IL16: variants seen among roughly 807,000 people sequenced by gnomAD.
IL16 encodes the protein interleukin 16, also known as pro-interleukin-16.
A neutral mutation model predicts 110.1 loss-of-function variants in IL16; 67 were observed. The observed-to-expected ratio is 0.61, with a 90% CI of 0.50 to 0.75. The LOEUF (loss-of-function observed/expected upper bound fraction) is 0.75. IL16 is among the 30% of genes least tolerant of loss of function. The pLI is 0.00. For missense variants in IL16, 1,545 were observed against 1,655.0 expected (o/e 0.93, Z 1.15); for synonymous variants, 689 against 662.9 (o/e 1.04, Z -0.61).
chr15:81,268,299 C>T (rs1029902654), intron 4 of IL16, among the ~76,000 whole-genome samples: 4 of 125,972 alleles, frequency 3.2e-5, no homozygotes, highest in South Asian at 2.2e-4. Context: ...ATTCCATGTT[C>T]GCTGCCTTCC....
chr15:81,306,342 C>T (rs557260347), intron 17 of IL16, 78 bp from the exon 18 acceptor site: 65 of 1,580,018 alleles, frequency 4.1e-5, no homozygotes, highest in African/African-American at 3.0e-4. Context: ...TGTATCACCC[C>T]GGGCTCACTT....
chr15:81,283,539 A>T (rs1899292257), intron 9 of IL16, among the ~76,000 whole-genome samples: 1 of 152,226 alleles, frequency 6.6e-6, no homozygotes, highest in Non-Finnish European at 1.5e-5. Context: ...CAAAATCCCC[A>T]TGAATGTGTA....
intron 2 of IL16, among the ~76,000 whole-genome samples, chr15:81,227,815 G>T (rs1423850521): frequency 6.6e-6 from 1 of 152,150 alleles, no homozygotes; most frequent in Non-Finnish European, 1.5e-5. Flanking sequence ...TGGTGGTAGA[G>T]GCACTGAGAA....
chr15:81,236,950 C>G (rs1223097586), intron 2 of IL16, among the ~76,000 whole-genome samples: 1 of 152,206 alleles, frequency 6.6e-6, no homozygotes, highest in Non-Finnish European at 1.5e-5. Flanking sequence ...CAGAGGGAGA[C>G]TCCATCTCAA....
rs767894208 is a variant in IL16, at chr15:81,300,012, G to A, written c.2686G>A (p.Val896Met). ...LLGRGAAPTL[V>M]PQQPEQVLSS... ...GGGGCGAGGGGCTGCACCCACTCTT[G>A]TGCCCCAGCAGCCTGAGCAAGTACT... Residue 896 changes from valine (V) to methionine (M), a missense_variant, in exon 14 of 19, where the codon GTG becomes ATG. Val to Met is a conservative substitution (Grantham distance 21). Around this residue, in one of 3 missense-constraint regions of IL16, gnomAD observed 1,185 missense variants for 1,238.8 expected, o/e 0.96. Transcript: ENST00000683961. The A allele has an allele frequency of 3.2e-6, 5 of 1,581,668 alleles. No homozygotes were observed. In the Admixed American group the frequency reaches 5.3e-5, roughly 17 times the overall value.
chr15:81,215,486 TG>T (rs1165956782), intron 1 of IL16, among the ~76,000 whole-genome samples: 2 of 152,186 alleles, frequency 1.3e-5, no homozygotes, highest in Non-Finnish European at 2.9e-5. Flanking sequence ...ACTACTCTTT[TG>T]TATCTCCTCA....
intron 2 of IL16, among the ~76,000 whole-genome samples, chr15:81,241,472 T>C (rs932508914): frequency 4.6e-5 from 7 of 152,154 alleles, no homozygotes; most frequent in African/African-American, 1.4e-4. Context: ...GCAATTTTTA[T>C]AATTTTCTTC....
At position 81,267,151 on chromosome 15, in the gene IL16, G is replaced by C. The variant is rs137940147; in HGVS notation, c.564+1350G>C. 2.9e-3 allele frequency among the ~76,000 whole-genome samples: 441 copies of C among 152,290 alleles called. 5 individuals carry two copies. The highest frequency in any genetic ancestry group is 4.8e-3 in the Non-Finnish European group (326 of 68,012). On this transcript the variant is annotated intron_variant, in intron 4 of 18. Transcript: ENST00000683961. Reference sequence around the variant, plus strand: ...GGCTAGCGGGTACTTCCTGGGGGAAGCTGCTTCCTGTCTTTGCTGCCTCAT... The same window carrying C: ...GGCTAGCGGGTACTTCCTGGGGGAACCTGCTTCCTGTCTTTGCTGCCTCAT...
At chr15:81,191,376 C>T (rs1467677983) in intron 1 of IL16, among the ~76,000 whole-genome samples, 1 of 152,192 alleles carries the variant, frequency 6.6e-6, no homozygotes, top group Admixed American at 6.5e-5. Context: ...TCTGGAAGAG[C>T]TCTTTGTAAA....
intron 1 of IL16, among the ~76,000 whole-genome samples, chr15:81,224,141 C>T (rs144403973): frequency 7.2e-4 from 109 of 152,228 alleles, no homozygotes; most frequent in Middle Eastern, 3.4e-3. Context: ...GTGTGCAATT[C>T]GAGTGCTGAA....
Position 81,306,102 on chromosome 15 carries a change from C to T in IL16, c.3615C>T (p.Asp1205=), listed in dbSNP as rs767133436. Reference sequence around the variant, plus strand: ...AGCTGACTCCAGAGGCCATGCCCGACCTCAACTCCTCCACTGACTCTGCAG... The same window carrying T: ...AGCTGACTCCAGAGGCCATGCCCGATCTCAACTCCTCCACTGACTCTGCAG... ...TRKLTPEAMP[D]LNSSTDSAAS... is the part of the protein sequence containing the mutation. The change falls in exon 17 of 19, where the codon GAC becomes GAT. Residue 1205 remains aspartate, a synonymous_variant. Coordinates refer to ENST00000683961, the MANE Select transcript of IL16 (RefSeq NM_172217.5). 1 of 1,614,084 alleles carries T rather than the reference C, an allele frequency of 6.2e-7. No individual in the cohort carries two copies. The highest frequency in any genetic ancestry group is 1.3e-5 in the African/African-American group (1 of 74,928).
intron 9 of IL16, among the ~76,000 whole-genome samples, chr15:81,285,028 G>T (rs1025609161): frequency 1.3e-5 from 2 of 152,006 alleles, no homozygotes; most frequent in Admixed American, 6.6e-5. Context: ...GTCGGGAAGG[G>T]GACTGGATTA....
At chr15:81,210,373 G>T (rs140273731) in intron 1 of IL16, among the ~76,000 whole-genome samples, 2 of 152,266 alleles carry the variant, frequency 1.3e-5, no homozygotes, top group East Asian at 1.9e-4. Flanking sequence ...ATGAATTTTA[G>T]AATAGTTTTT....
chr15:81,238,256 T>C (rs1231202808), intron 2 of IL16, among the ~76,000 whole-genome samples: 1 of 152,228 alleles, frequency 6.6e-6, no homozygotes, highest in African/African-American at 2.4e-5. Context: ...AAGTAATAAC[T>C]TGTATGTTAG....
At chr15:81,295,127 G>T (rs1186506212) in intron 12 of IL16, among the ~76,000 whole-genome samples, 1 of 151,972 alleles carries the variant, frequency 6.6e-6, no homozygotes, top group Non-Finnish European at 1.5e-5. Flanking sequence ...TAAAAAACTT[G>T]CTTAAAAAAA....
chr15:81,285,065 C>T (rs1276687097), intron 9 of IL16, among the ~76,000 whole-genome samples: 2 of 152,032 alleles, frequency 1.3e-5, no homozygotes, highest in African/African-American at 4.8e-5. Context: ...ATCTATGTGA[C>T]CCCGTGTTTC....
rs764511286 is a variant in IL16, at chr15:81,285,813, C to T, written c.1315C>T (p.Arg439Ter). ...DPGPVPIIVSRHPDPQVSEQQ... is the reference protein window; with the variant it reads ...DPGPVPIIVS Reference sequence around the variant, plus strand: ...CGGTCCAGTCCCCATCATTGTTAGCCGACATCCAGACCCACAGGTAACACC... The same window carrying T: ...CGGTCCAGTCCCCATCATTGTTAGCTGACATCCAGACCCACAGGTAACACC... Residue 439 changes from arginine to a stop codon, truncating the protein, a stop_gained, in exon 10 of 19, where the codon CGA becomes TGA. Coordinates refer to ENST00000683961, the MANE Select transcript of IL16 (RefSeq NM_172217.5). LOFTEE classifies it high-confidence loss of function. The T allele has an allele frequency of 1.1e-5, 17 of 1,614,048 alleles. No homozygotes were observed. The highest frequency in any genetic ancestry group is 3.3e-5 in the Admixed American group (2 of 59,996).
intron 1 of IL16, among the ~76,000 whole-genome samples, chr15:81,191,517 C>A (rs1895497198): frequency 6.6e-6 from 1 of 152,132 alleles, no homozygotes; most frequent in Admixed American, 6.5e-5. Flanking sequence ...TGCTGGGGAC[C>A]CCACAGTGAA....
chr15:81,296,194 GTC>G (rs1271317973), intron 12 of IL16, among the ~76,000 whole-genome samples: 1 of 152,170 alleles, frequency 6.6e-6, no homozygotes, highest in Non-Finnish European at 1.5e-5. Flanking sequence ...GATGGAACTG[GTC>G]TCTCTGTTTC....
Sources: allele counts gnomAD v4.1 joint callset (sites outside exome capture counted in the v4.1 genomes callset), GRCh38; gene constraint gnomAD v4.1.1; regional missense constraint gnomAD v4.1.1; transcripts MANE v1.5; gene names NCBI Gene and HGNC (gene_info 2026-07-23, HGNC 2026-07-21).